MAPK8: variants seen among roughly 807,000 people sequenced by gnomAD.
The protein encoded by MAPK8 is JUN N-terminal kinase.
Under a neutral mutation model 52.9 loss-of-function variants are expected in MAPK8, and 13 were observed. That is an observed-to-expected ratio of 0.25 (90% CI 0.16 to 0.39). MAPK8 has a LOEUF of 0.39. Ranked by LOEUF, MAPK8 falls within the 10% of genes least tolerant of loss-of-function variation. The pLI is 1.00. For missense variants in MAPK8, 300 were observed against 519.2 expected (o/e 0.58, Z 4.10); for synonymous variants, 191 against 169.8 (o/e 1.12, Z -0.97).
At chr10:48,334,725 A>G (rs931365548) in intron 1 of MAPK8, among the ~76,000 whole-genome samples, 2 of 152,138 alleles carry the variant, frequency 1.3e-5, no homozygotes, top group South Asian at 2.1e-4. Context: ...CCAAGTTTGT[A>G]AGGGAAACAT....
rs904198128 is a variant in MAPK8 at position 48,421,562 on chromosome 10, T to C, written c.616+1242T>C. On this transcript the variant is annotated intron_variant, in intron 6 of 11. Coordinates refer to ENST00000374189, the MANE Select transcript of MAPK8 (RefSeq NM_001323329.2). ...GCTTACACCTGTAATCCCAGCACTT[T>C]GGGAGGCCGAGGCTCGTGGATCACT... 3.3e-5 allele frequency among the ~76,000 whole-genome samples: 5 copies of C among 152,268 alleles called. No individual in the cohort carries two copies. The South Asian group carries it at 6.2e-4, about 19-fold the overall frequency.
chr10:48,381,890 C>T (rs1189179051), intron 1 of MAPK8, among the ~76,000 whole-genome samples: 1 of 152,166 alleles, frequency 6.6e-6, no homozygotes, highest in Non-Finnish European at 1.5e-5. Context: ...CTTCCTCAGT[C>T]ATACTGAGTC....
chr10:48,384,827 T>C (rs1048342561), intron 1 of MAPK8, among the ~76,000 whole-genome samples: 1 of 152,170 alleles, frequency 6.6e-6, no homozygotes, highest in Non-Finnish European at 1.5e-5. Context: ...TGAATCCTGC[T>C]CACAGTGCCA....
At chr10:48,430,985 T>C (rs1329597118) in intron 10 of MAPK8, 2 of 584,104 alleles carry the variant, frequency 3.4e-6, no homozygotes, top group Non-Finnish European at 6.0e-6. Context: ...AGATTAGTAC[T>C]TCCTTTTAAT....
At chr10:48,398,652 A>C (rs779703283) in intron 1 of MAPK8, among the ~76,000 whole-genome samples, 8 of 152,258 alleles carry the variant, frequency 5.3e-5, no homozygotes, top group Non-Finnish European at 1.0e-4. Flanking sequence ...AAAACTGTAA[A>C]CAGTTGAAAT....
intron 1 of MAPK8, among the ~76,000 whole-genome samples, chr10:48,372,297 A>T (rs1237420287): frequency 4.6e-5 from 7 of 152,110 alleles, no homozygotes; most frequent in Non-Finnish European, 8.8e-5. Flanking sequence ...AAAATTCCAA[A>T]AACCAGAACA....
rs11598320 is a variant in MAPK8, at chr10:48,439,224, T to A, written c.*4195T>A. The A allele has an allele frequency of 0.17, 25,949 of 150,496 alleles. 2,683 individuals are homozygous for A. The highest frequency in any genetic ancestry group is 0.28 in the South Asian group (1,320 of 4,662). 9.3% of individuals were successfully genotyped at this position (150,496 alleles called of 1,614,324 possible). A position where few individuals can be genotyped will look rare whatever the true frequency, so the allele number is the denominator to read the frequency against. ...GGGCACTTTTTAGGGAATGCTGAGATCATTATTGTGGTTTTTCATCATTCA... is the reference window on the plus strand; with the variant it reads ...GGGCACTTTTTAGGGAATGCTGAGAACATTATTGTGGTTTTTCATCATTCA... On this transcript the variant is annotated 3_prime_UTR_variant, in exon 12 of 12. Transcript: ENST00000374189.
chr10:48,396,703 A>G (rs1046516106), intron 1 of MAPK8, among the ~76,000 whole-genome samples: 2 of 152,240 alleles, frequency 1.3e-5, no homozygotes, highest in African/African-American at 4.8e-5. Flanking sequence ...CATTCATACA[A>G]TGAATAATAT....
chr10:48,336,008 T>C (rs1355093119), intron 1 of MAPK8, among the ~76,000 whole-genome samples: 1 of 152,212 alleles, frequency 6.6e-6, no homozygotes, highest in Non-Finnish European at 1.5e-5. Flanking sequence ...ATCTTTCAAA[T>C]GTGTTTCTTT....
At chr10:48,345,513 T>C (rs531539942) in intron 1 of MAPK8, among the ~76,000 whole-genome samples, 1 of 152,296 alleles carries the variant, frequency 6.6e-6, no homozygotes, top group South Asian at 2.1e-4. Flanking sequence ...ACACACACCT[T>C]TGCCTATCAA....
intron 1 of MAPK8, among the ~76,000 whole-genome samples, chr10:48,350,450 A>G (rs1033742301): frequency 3.3e-5 from 5 of 152,244 alleles, no homozygotes; most frequent in Non-Finnish European, 4.4e-5. Context: ...CCTGGGATGC[A>G]AGGCTGTTTC....
chr10:48,403,917 T>TTGTGTGTGTGTG (rs71465463), intron 2 of MAPK8, among the ~76,000 whole-genome samples: 1,755 of 125,708 alleles, frequency 0.014, 37 homozygotes, highest in African/African-American at 0.045. Flanking sequence ...CCCGGCTAAT[T>TTGTGTGTGTGTG]TGTGTGTGTG....
intron 1 of MAPK8, among the ~76,000 whole-genome samples, chr10:48,345,328 G>GT (rs1357903189): frequency 6.6e-6 from 1 of 152,038 alleles, no homozygotes; most frequent in Non-Finnish European, 1.5e-5. Context: ...TCTCAATTTG[G>GT]TTAATGAGTC....
chr10:48,416,711 G>GTCATTA (rs552329176), intron 5 of MAPK8, among the ~76,000 whole-genome samples: 48 of 152,252 alleles, frequency 3.2e-4, no homozygotes, highest in African/African-American at 1.1e-3. Context: ...TGCAGTCATT[G>GTCATTA]GTTAGTTGTA....
chr10:48,390,438 A>G (rs1261954080), intron 1 of MAPK8, among the ~76,000 whole-genome samples: 1 of 152,206 alleles, frequency 6.6e-6, no homozygotes, highest in East Asian at 1.9e-4. Flanking sequence ...GATAGGCTCT[A>G]AGTTACCTCA....
At chr10:48,325,216 TCTGC>T (rs1843394798) in intron 1 of MAPK8, among the ~76,000 whole-genome samples, 2 of 152,204 alleles carry the variant, frequency 1.3e-5, no homozygotes, top group African/African-American at 4.8e-5. Flanking sequence ...CCTCAAGTGA[TCTGC>T]CCACCTTGGC....
At chr10:48,364,804 A>G (rs572280970) in intron 1 of MAPK8, among the ~76,000 whole-genome samples, 128 of 152,326 alleles carry the variant, frequency 8.4e-4, no homozygotes, top group African/African-American at 3.0e-3. Context: ...GAAAACTCCA[A>G]ACAAAGGATT....
intron 10 of MAPK8, 24 bp from the exon 11 acceptor site, chr10:48,431,169 C>T (rs776239616): frequency 4.0e-6 from 6 of 1,518,854 alleles, no homozygotes; most frequent in Non-Finnish European, 4.6e-6. Flanking sequence ...TTGAAAAGTT[C>T]ATTTTTGTTT....
chr10:48,404,783 G>C (rs1257670150), intron 2 of MAPK8, 69 bp from the exon 3 acceptor site: 10 of 1,269,172 alleles, frequency 7.9e-6, no homozygotes, highest in Non-Finnish European at 1.0e-5. Flanking sequence ...GTATATGACT[G>C]TTTCATGAAT....
Sources: gnomAD v4.1 joint callset for allele counts (sites outside exome capture counted in the v4.1 genomes callset) on GRCh38, gnomAD v4.1.1 for gene constraint, MANE v1.5 for transcripts, NCBI Gene and HGNC (gene_info 2026-07-23, HGNC 2026-07-21) for gene names.